The following ASXL2 variants were observed in gnomAD, a reference collection of about 807,000 sequenced individuals.
ASXL2 encodes putative Polycomb group protein ASXL2.
A neutral mutation model predicts 122.0 loss-of-function variants in ASXL2; 23 were observed. The observed-to-expected ratio is 0.19, with a 90% CI of 0.14 to 0.27. ASXL2 has a LOEUF of 0.27. Ranked by LOEUF, ASXL2 falls within the 10% of genes least tolerant of loss-of-function variation. ASXL2 has a pLI of 1.00. For synonymous variants in ASXL2, 650 were observed against 637.0 expected (o/e 1.02, Z -0.31); for missense variants, 1,518 against 1,713.8 (o/e 0.89, Z 2.02).
At chr2:25,795,116 G>A (rs937117133) in intron 5 of ASXL2, among the ~76,000 whole-genome samples, 4 of 152,222 alleles carry the variant, frequency 2.6e-5, no homozygotes, top group Admixed American at 6.5e-5. Context: ...TGAATCACAT[G>A]TGACATCATG....
chr2:25,843,301 CAAA>C lies in ASXL2; in HGVS notation c.140+2177_140+2179del, dbSNP rs35388163. Among the ~76,000 whole-genome samples the C allele has an allele frequency of 3.5e-3, 329 of 93,036 alleles. 2 individuals are homozygous for C. Among genetic ancestry groups the C allele is most frequent in the African/African-American group, 0.013 (314 of 23,782 alleles). The allele number at this position is 93,036 out of a possible 152,430, so 61.0% of individuals were successfully genotyped here. On this transcript the variant is annotated intron_variant, in intron 2 of 12. Coordinates refer to ENST00000435504, the MANE Select transcript of ASXL2 (RefSeq NM_018263.6). Reference sequence around the variant, plus strand: ...TGGGCGACACAGAGAGACTTCGTCTCAAAAAAAAAAAAAAAAAAATAGAGACGG... The same window carrying C: ...TGGGCGACACAGAGAGACTTCGTCTCAAAAAAAAAAAAAAAATAGAGACGG...
chr2:25,734,216 A>T lies in ASXL2; in HGVS notation c.*7813T>A, dbSNP rs972967221. Reference sequence around the variant, plus strand: ...CTTGCTCTTTAATCAGTACTTTATTATTAGAGAATAAATTAAGATGTTTGT... The same window carrying T: ...CTTGCTCTTTAATCAGTACTTTATTTTTAGAGAATAAATTAAGATGTTTGT... On this transcript the variant is annotated 3_prime_UTR_variant, in exon 13 of 13. Transcript: ENST00000435504. 1 of 152,014 alleles carries T rather than the reference A, an allele frequency of 6.6e-6. No homozygotes were observed. The highest frequency in any genetic ancestry group is 2.4e-5 in the African/African-American group (1 of 41,366). The allele number at this position is 152,014 out of a possible 1,614,324, so 9.4% of individuals were successfully genotyped here. A position where few individuals can be genotyped will look rare whatever the true frequency, so the allele number is the denominator to read the frequency against.
intron 6 of ASXL2, 117 bp downstream of exon 6, chr2:25,771,323 G>A (rs1406144998): frequency 2.5e-6 from 2 of 811,506 alleles, no homozygotes; most frequent in African/African-American, 3.5e-5. Flanking sequence ...CTGCATGAAA[G>A]TTCCACTGGC....
chr2:25,847,456 C>G (rs1324814969), intron 1 of ASXL2, among the ~76,000 whole-genome samples: 1 of 152,130 alleles, frequency 6.6e-6, no homozygotes, highest in Non-Finnish European at 1.5e-5. Context: ...ATAACATTAA[C>G]CACACCAAGC....
At chr2:25,798,311 C>T (rs2088941619) in intron 5 of ASXL2, among the ~76,000 whole-genome samples, 1 of 152,090 alleles carries the variant, frequency 6.6e-6, no homozygotes, top group South Asian at 2.1e-4. Flanking sequence ...ACCTGTACCC[C>T]TGAACTTAAA....
chr2:25,865,098 C>T lies in ASXL2; in HGVS notation c.57+13068G>A, dbSNP rs1052315843. On this transcript the variant is annotated intron_variant, in intron 1 of 12. Transcript: ENST00000435504. ...TCAGCCTACAAAAGTGCTGAGATTA[C>T]AGGTGTGAGCCACCGCACCAGGCTA... 1.3e-3 allele frequency among the ~76,000 whole-genome samples: 190 copies of T among 150,210 alleles called. 3 individuals are homozygous for T. The highest frequency in any genetic ancestry group is 3.1e-4 in the Non-Finnish European group (21 of 67,590).
intron 1 of ASXL2, among the ~76,000 whole-genome samples, chr2:25,864,632 C>A (rs76793566): frequency 6.6e-6 from 1 of 151,676 alleles, no homozygotes. Context: ...CAGAAAACAT[C>A]AAGTCAAAGT....
At chr2:25,746,418 A>G (rs1293501734) in intron 12 of ASXL2, among the ~76,000 whole-genome samples, 1 of 152,034 alleles carries the variant, frequency 6.6e-6, no homozygotes, top group Non-Finnish European at 1.5e-5. Flanking sequence ...TACTCATCAC[A>G]TAGCATTTTA....
At chr2:25,770,711 C>T (rs778715717) in intron 6 of ASXL2, among the ~76,000 whole-genome samples, 3 of 151,588 alleles carry the variant, frequency 2.0e-5, no homozygotes, top group East Asian at 1.9e-4. Context: ...GCAACAAGAG[C>T]GAAACTCCGT....
At chr2:25,807,768 T>C (rs1357865645) in intron 3 of ASXL2, among the ~76,000 whole-genome samples, 1 of 152,038 alleles carries the variant, frequency 6.6e-6, no homozygotes, top group Non-Finnish European at 1.5e-5. Context: ...CAGATAATAA[T>C]TTAAAAGGTA....
intron 1 of ASXL2, 130 bp downstream of exon 1, chr2:25,878,036 C>G: frequency 8.6e-7 from 1 of 1,164,614 alleles, no homozygotes; most frequent in Non-Finnish European, 1.3e-6. Flanking sequence ...ACACTAACCG[C>G]CGCCCTCTCC....
At chr2:25,795,036 G>A (rs945727769) in intron 5 of ASXL2, among the ~76,000 whole-genome samples, 30 of 152,040 alleles carry the variant, frequency 2.0e-4, no homozygotes, top group African/African-American at 7.0e-4. Context: ...TATTCTATGA[G>A]AGACTAAATC....
chr2:25,753,207 A>G (rs2088076361), intron 11 of ASXL2, among the ~76,000 whole-genome samples: 1 of 150,066 alleles, frequency 6.7e-6, no homozygotes, highest in Non-Finnish European at 1.5e-5. Flanking sequence ...TGACCTCAGG[A>G]GTTCGCCTCG....
At chr2:25,826,461 T>C (rs1001765010) in intron 3 of ASXL2, among the ~76,000 whole-genome samples, 4 of 152,214 alleles carry the variant, frequency 2.6e-5, no homozygotes, top group Non-Finnish European at 5.9e-5. Context: ...CCAATATTTG[T>C]TATCCCCATT....
intron 4 of ASXL2, among the ~76,000 whole-genome samples, chr2:25,804,037 A>C (rs564400793): frequency 1.2e-4 from 18 of 152,280 alleles, no homozygotes; most frequent in East Asian, 5.8e-4. Flanking sequence ...TAAATTTTTT[A>C]AACAGTATGG....
At chr2:25,757,674 CAAAAAAA>C (rs60732948) in intron 9 of ASXL2, among the ~76,000 whole-genome samples, 17 of 35,828 alleles carry the variant, frequency 4.7e-4, no homozygotes, top group South Asian at 2.1e-3. Flanking sequence ...GACTCCATCT[CAAAAAAA>C]AAAAAAAAAA....
In ASXL2 at chr2:25,834,300, C is replaced by T. The variant is rs375515124; in HGVS notation, c.143+1238G>A. On this transcript the variant is annotated intron_variant, in intron 3 of 12. Coordinates refer to ENST00000435504, the MANE Select transcript of ASXL2 (RefSeq NM_018263.6). ...CCTGGGAGGCAGAGGTTGCAGTGAGCCGAGACCATGCCACTCCACTCCAGC... is the reference window on the plus strand; with the variant it reads ...CCTGGGAGGCAGAGGTTGCAGTGAGTCGAGACCATGCCACTCCACTCCAGC... Among the ~76,000 whole-genome samples the T allele has an allele frequency of 2.6e-4, 39 of 152,172 alleles. No individual in the cohort carries two copies. In the South Asian group the frequency reaches 7.7e-3, roughly 30 times the overall value.
At chr2:25,800,030 G>A (rs1314534764) in intron 4 of ASXL2, among the ~76,000 whole-genome samples, 2 of 149,530 alleles carry the variant, frequency 1.3e-5, no homozygotes, top group South Asian at 2.1e-4. Context: ...ATGGTGGAAC[G>A]AACACTCCTG....
chr2:25,750,957 T>C (rs922467999), intron 11 of ASXL2, among the ~76,000 whole-genome samples: 1 of 152,194 alleles, frequency 6.6e-6, no homozygotes, highest in Admixed American at 6.5e-5. Flanking sequence ...GCTGTCAATG[T>C]TCTATAGAGG....
Sources: allele counts gnomAD v4.1 joint callset (sites outside exome capture counted in the v4.1 genomes callset), GRCh38; gene constraint gnomAD v4.1.1; transcripts MANE v1.5; gene names NCBI Gene and HGNC (gene_info 2026-07-23, HGNC 2026-07-21).